DOCK2: variants seen among roughly 807,000 people sequenced by gnomAD.
DOCK2 encodes the protein dedicator of cytokinesis 2, also known as dedicator of cytokinesis protein 2.
DOCK2 carries 87 observed loss-of-function variants against 248.9 expected under a neutral mutation model. That is an observed-to-expected ratio of 0.35 (90% CI 0.29 to 0.42). The LOEUF (loss-of-function observed/expected upper bound fraction) is 0.42. Ranked by LOEUF, DOCK2 falls within the 10% of genes least tolerant of loss-of-function variation. The pLI is 1.00. For missense variants in DOCK2, 1,747 were observed against 2,300.2 expected (o/e 0.76, Z 4.92); for synonymous variants, 805 against 821.6 (o/e 0.98, Z 0.35).
chr5:169,744,607 CA>C lies in DOCK2; in HGVS notation c.2268-2777del, dbSNP rs35858546. ...AAGATATTTGTGCAGCTCATAAAATCAAAAAAAAAAAAGTTAAATAATGAGA... is the reference window on the plus strand; with the variant it reads ...AAGATATTTGTGCAGCTCATAAAATCAAAAAAAAAAAGTTAAATAATGAGA... On this transcript the variant is annotated intron_variant, in intron 22 of 51. Coordinates refer to ENST00000520908, the MANE Select transcript of DOCK2 (RefSeq NM_004946.3). 4.7e-3 allele frequency among the ~76,000 whole-genome samples: 684 copies of C among 144,888 alleles called. 16 individuals are homozygous for C. The East Asian group carries it at 0.07, about 15-fold the overall frequency.
At chr5:169,941,435 G>A (rs1354487257) in intron 27 of DOCK2, among the ~76,000 whole-genome samples, 1 of 152,162 alleles carries the variant, frequency 6.6e-6, no homozygotes, top group East Asian at 1.9e-4. Flanking sequence ...CTGTCTGAAG[G>A]CAGAGGGCAG....
At chr5:170,034,600 G>GGGGCTT (rs1426366207) in intron 35 of DOCK2, 45 bp downstream of exon 35, 3 of 1,607,902 alleles carry the variant, frequency 1.9e-6, no homozygotes, top group African/African-American at 1.3e-5. Context: ...ACCCTGTGGG[G>GGGGCTT]GGGCTTGGGC....
intron 26 of DOCK2, among the ~76,000 whole-genome samples, chr5:169,815,207 G>A (rs1177456104): frequency 1.3e-5 from 2 of 152,174 alleles, no homozygotes; most frequent in Admixed American, 6.5e-5. Context: ...GGTTGGTTTG[G>A]CATTGCTTAG....
At chr5:170,053,503 C>T (rs965742930) in intron 41 of DOCK2, among the ~76,000 whole-genome samples, 6 of 152,230 alleles carry the variant, frequency 3.9e-5, no homozygotes, top group Admixed American at 3.3e-4. Flanking sequence ...CCATTGAAAA[C>T]TCTTCTTAGC....
chr5:169,649,326 C>T (rs962498452), intron 1 of DOCK2, among the ~76,000 whole-genome samples: 4 of 152,184 alleles, frequency 2.6e-5, no homozygotes, highest in Non-Finnish European at 4.4e-5. Context: ...ACAGGGCACT[C>T]GATGGCTGCA....
Position 169,711,497 on chromosome 5 carries a change from G to T in DOCK2, c.1483-438G>T, listed in dbSNP as rs912005550. On this transcript the variant is annotated intron_variant, in intron 15 of 51. Coordinates refer to ENST00000520908, the MANE Select transcript of DOCK2 (RefSeq NM_004946.3). ...TGGATTAAAGCATTTTTATTAATTT[G>T]CATAAATGAGATTCCTCAAGCAAAC... Among the ~76,000 whole-genome samples, 4 of 152,168 alleles carry T rather than the reference G, an allele frequency of 2.6e-5. No individual in the cohort carries two copies. In the South Asian group the frequency reaches 8.3e-4, roughly 32 times the overall value.
At chr5:169,772,379 C>T (rs1765136836) in intron 25 of DOCK2, among the ~76,000 whole-genome samples, 1 of 152,196 alleles carries the variant, frequency 6.6e-6, no homozygotes, top group Non-Finnish European at 1.5e-5. Flanking sequence ...AAGCTACCTT[C>T]CTGTAGTTTC....
intron 34 of DOCK2, among the ~76,000 whole-genome samples, chr5:170,031,460 C>A (rs1756132924): frequency 6.6e-6 from 1 of 152,208 alleles, no homozygotes; most frequent in African/African-American, 2.4e-5. Context: ...GTCCACCACC[C>A]TTCATTCCAC....
intron 22 of DOCK2, among the ~76,000 whole-genome samples, chr5:169,722,157 T>G (rs1432491306): frequency 6.6e-6 from 1 of 152,202 alleles, no homozygotes; most frequent in Non-Finnish European, 1.5e-5. Flanking sequence ...AGAGTTGAAG[T>G]GATAATCTTC....
chr5:169,719,594 C>T (rs971971738), intron 22 of DOCK2, among the ~76,000 whole-genome samples: 1 of 152,168 alleles, frequency 6.6e-6, no homozygotes, highest in Non-Finnish European at 1.5e-5. Context: ...AGTCCAGATG[C>T]TCAGCGTTAT....
intron 25 of DOCK2, among the ~76,000 whole-genome samples, chr5:169,765,272 G>A (rs964869812): frequency 1.3e-5 from 2 of 152,186 alleles, no homozygotes; most frequent in Non-Finnish European, 2.9e-5. Flanking sequence ...TTCATCAGTG[G>A]CACATGTGGC....
chr5:169,937,320 C>G (rs191812293), intron 27 of DOCK2, among the ~76,000 whole-genome samples: 14 of 152,206 alleles, frequency 9.2e-5, no homozygotes, highest in Non-Finnish European at 1.6e-4. Flanking sequence ...AACCCGTAGA[C>G]TTGGGCTGCA....
In DOCK2 at chr5:169,993,549, T is replaced by TTGTG. The variant is rs10626609; in HGVS notation, c.2994-2513_2994-2510dup. Among the ~76,000 whole-genome samples, 1,307 of 149,460 alleles carry TTGTG rather than the reference T, an allele frequency of 8.7e-3. 8 individuals carry two copies. Among genetic ancestry groups the TTGTG allele is most frequent in the East Asian group, 0.028 (140 of 5,068 alleles). ...TAACAAAGCCAGAAATCACATCCATTTGTGTGTGTGTGTGTGTGTGTGTGT... is the reference window on the plus strand; with the variant it reads ...TAACAAAGCCAGAAATCACATCCATTTGTGTGTGTGTGTGTGTGTGTGTGTGTGT... On this transcript the variant is annotated intron_variant, in intron 29 of 51. Transcript: ENST00000520908.
chr5:170,067,122 G>GC (rs1757519411), intron 44 of DOCK2, among the ~76,000 whole-genome samples: 1 of 152,148 alleles, frequency 6.6e-6, no homozygotes, highest in East Asian at 1.9e-4. Context: ...CAGGCTGGGT[G>GC]CCCACATCGC....
At chr5:170,049,876 T>C (rs948220591) in intron 40 of DOCK2, among the ~76,000 whole-genome samples, 2 of 152,196 alleles carry the variant, frequency 1.3e-5, no homozygotes, top group Non-Finnish European at 2.9e-5. Context: ...TGCTGAACCA[T>C]TCCAGCCCAC....
chr5:169,841,685 T>A (rs1479215321), intron 27 of DOCK2: 1 of 155,738 alleles, frequency 6.4e-6, no homozygotes, highest in Non-Finnish European at 1.4e-5. Context: ...CACCTAAGCA[T>A]AGAGGCTTGC....
chr5:169,804,125 G>T (rs911013272), intron 26 of DOCK2, among the ~76,000 whole-genome samples: 2 of 152,182 alleles, frequency 1.3e-5, no homozygotes, highest in Admixed American at 6.5e-5. Context: ...TGAATGAACT[G>T]TGTCTATTAT....
At chr5:169,692,524 G>T (rs1256708564) in intron 9 of DOCK2, among the ~76,000 whole-genome samples, 1 of 152,054 alleles carries the variant, frequency 6.6e-6, no homozygotes, top group Non-Finnish European at 1.5e-5. Flanking sequence ...GTGTGTGTGT[G>T]GGGGTGGGGT....
chr5:169,747,300 T>G, intron 22 of DOCK2, 96 bp from the exon 23 acceptor site: 2 of 1,140,206 alleles, frequency 1.8e-6, no homozygotes, highest in Non-Finnish European at 1.2e-6. Flanking sequence ...CCCACTCCTT[T>G]TTGTTTTAAA....
Sources: allele counts gnomAD v4.1 joint callset (sites outside exome capture counted in the v4.1 genomes callset), GRCh38; gene constraint gnomAD v4.1.1; transcripts MANE v1.5; gene names NCBI Gene and HGNC (gene_info 2026-07-23, HGNC 2026-07-21).